PDE4D: variants seen among roughly 807,000 people sequenced by gnomAD.
PDE4D encodes phosphodiesterase 4D.
In PDE4D, 24 loss-of-function variants were observed where a neutral mutation model predicts 87.4. The ratio of observed to expected loss-of-function variants is 0.27; its 90% CI spans 0.20 to 0.39. The LOEUF (loss-of-function observed/expected upper bound fraction) is 0.39. Among genes scored for constraint, PDE4D ranks in the 10% least tolerant of loss-of-function variants. PDE4D has a pLI of 1.00. For missense variants in PDE4D, 714 were observed against 1,041.0 expected, an observed-to-expected ratio of 0.69 and a Z score of 4.32; for synonymous variants, 384 against 383.2, an observed-to-expected ratio of 1.00 and a Z score of -0.02.
intron 1 of PDE4D, among the ~76,000 whole-genome samples, chr5:59,503,806 A>G (rs1808749344): frequency 6.6e-6 from 1 of 151,912 alleles, no homozygotes; most frequent in Admixed American, 6.6e-5. Context: ...TGGAGTTGGA[A>G]CTCTCCAGAA....
At chr5:60,312,722 G>C (rs955047507) in intron 1 of PDE4D, among the ~76,000 whole-genome samples, 26 of 152,150 alleles carry the variant, frequency 1.7e-4, no homozygotes, top group South Asian at 6.2e-4. Context: ...CTCAAGGCAA[G>C]ATTTGGGTGG....
intron 1 of PDE4D, among the ~76,000 whole-genome samples, chr5:59,652,349 A>G (rs147260442): frequency 4.3e-4 from 65 of 152,306 alleles, no homozygotes; most frequent in African/African-American, 1.4e-3. Context: ...TGAACCTTAG[A>G]CAAATTTTCA....
At chr5:59,205,325 T>G (rs1748504342) in intron 2 of PDE4D, among the ~76,000 whole-genome samples, 1 of 152,172 alleles carries the variant, frequency 6.6e-6, no homozygotes, top group Non-Finnish European at 1.5e-5. Flanking sequence ...TGATGGGTAA[T>G]TCCTTGTTAA....
chr5:59,383,625 T>C (rs1229795859), intron 1 of PDE4D, among the ~76,000 whole-genome samples: 4 of 152,144 alleles, frequency 2.6e-5, no homozygotes, highest in African/African-American at 7.2e-5. Flanking sequence ...TTGTTCACTA[T>C]TGAATACCCA....
chr5:59,163,711 A>C (rs1283684702), intron 5 of PDE4D, among the ~76,000 whole-genome samples: 1 of 152,222 alleles, frequency 6.6e-6, no homozygotes, highest in Admixed American at 6.5e-5. Context: ...TGAACTCAGG[A>C]CAGCTAAGAT....
chr5:59,786,998 T>A (rs561842495), intron 1 of PDE4D, among the ~76,000 whole-genome samples: 12 of 152,338 alleles, frequency 7.9e-5, no homozygotes, highest in African/African-American at 2.9e-4. Flanking sequence ...TTGACATGAA[T>A]TGGTCTCATC....
chr5:59,841,017 C>T (rs938835264), intron 1 of PDE4D, among the ~76,000 whole-genome samples: 3 of 151,918 alleles, frequency 2.0e-5, no homozygotes, highest in African/African-American at 7.2e-5. Flanking sequence ...CTGACTAATC[C>T]CACACCTATT....
intron 2 of PDE4D, chr5:60,147,831 G>T (rs770905819): frequency 4.4e-6 from 2 of 453,380 alleles, no homozygotes; most frequent in African/African-American, 2.0e-5. Context: ...TCCATAGGCT[G>T]CTTGAGTGTC....
chr5:59,852,789 G>A (rs1045295070), intron 1 of PDE4D, among the ~76,000 whole-genome samples: 2 of 151,666 alleles, frequency 1.3e-5, no homozygotes, highest in Non-Finnish European at 2.9e-5. Context: ...AGGTTATAGT[G>A]GACAATCAGT....
intron 2 of PDE4D, among the ~76,000 whole-genome samples, chr5:60,132,820 G>A (rs1420952916): frequency 6.6e-6 from 1 of 151,848 alleles, no homozygotes; most frequent in African/African-American, 2.4e-5. Context: ...TCGCACCACT[G>A]CACTCCAGCC....
chr5:59,467,136 C>A (rs934668552), intron 1 of PDE4D, among the ~76,000 whole-genome samples: 2 of 152,148 alleles, frequency 1.3e-5, no homozygotes, highest in Non-Finnish European at 1.5e-5. Flanking sequence ...AAGAAACCAA[C>A]CCTGCTCTCT....
At chr5:59,342,915 C>T (rs115425641) in intron 1 of PDE4D, among the ~76,000 whole-genome samples, 3,096 of 152,010 alleles carry the variant, frequency 0.02, 119 homozygotes, top group African/African-American at 0.071. Flanking sequence ...TATGCATTAA[C>T]TCACATACTT....
intron 1 of PDE4D, among the ~76,000 whole-genome samples, chr5:60,468,710 AG>A (rs1326972047): frequency 2.0e-5 from 3 of 151,812 alleles, no homozygotes; most frequent in Admixed American, 2.0e-4. Context: ...CTTTTTGCAA[AG>A]ATGGGGATCT....
chr5:59,340,692 C>A (rs141069457), intron 1 of PDE4D, among the ~76,000 whole-genome samples: 16 of 152,270 alleles, frequency 1.1e-4, no homozygotes, highest in African/African-American at 3.1e-4. Flanking sequence ...ACTCACTACC[C>A]TTCCTAGGTT....
chr5:59,117,667 T>C (rs573194647), intron 5 of PDE4D, among the ~76,000 whole-genome samples: 2 of 152,324 alleles, frequency 1.3e-5, no homozygotes, highest in East Asian at 3.9e-4. Flanking sequence ...TGCAGGAATA[T>C]GCTGGAACTG....
At chr5:60,077,794 G>A (rs1423577659) in intron 2 of PDE4D, among the ~76,000 whole-genome samples, 4 of 152,178 alleles carry the variant, frequency 2.6e-5, no homozygotes, top group African/African-American at 7.2e-5. Context: ...CAATTCAAAT[G>A]TCCATGGTGG....
chr5:59,798,572 A>AG (rs1364387074), intron 1 of PDE4D, among the ~76,000 whole-genome samples: 2 of 152,156 alleles, frequency 1.3e-5, no homozygotes, highest in Non-Finnish European at 2.9e-5. Flanking sequence ...GAGGTACGGA[A>AG]GGGTAGGAAT....
At chr5:60,230,483 A>G (rs1453210051) in intron 1 of PDE4D, among the ~76,000 whole-genome samples, 1 of 152,098 alleles carries the variant, frequency 6.6e-6, no homozygotes, top group African/African-American at 2.4e-5. Context: ...TGGGTGAATT[A>G]TTCTAGATTC....
chr5:60,438,553 C>T (rs750443435), intron 1 of PDE4D, among the ~76,000 whole-genome samples: 2 of 152,148 alleles, frequency 1.3e-5, no homozygotes, highest in African/African-American at 4.8e-5. Flanking sequence ...TGCTTCAATA[C>T]GTGTGTTCAT....
Sources: allele counts gnomAD v4.1 joint callset (sites outside exome capture counted in the v4.1 genomes callset), GRCh38; gene constraint gnomAD v4.1.1; transcripts MANE v1.5; gene names NCBI Gene and HGNC (gene_info 2026-07-23, HGNC 2026-07-21).